Variants in HEPH observed in about 807,000 individuals in gnomAD.
HEPH encodes hephaestin.
HEPH carries 69 observed loss-of-function variants against 80.8 expected under a neutral mutation model. The ratio of observed to expected loss-of-function variants is 0.85; its 90% CI spans 0.70 to 1.04. The LOEUF is 1.04. Ranked by LOEUF, HEPH falls within the 50% of genes least tolerant of loss-of-function variation. The pLI is 0.00. For missense variants in HEPH, 1,115 were observed against 891.3 expected, an observed-to-expected ratio of 1.25 and a Z score of -3.20; for synonymous variants, 431 against 322.8, an observed-to-expected ratio of 1.34 and a Z score of -3.60.
chrX:66,236,795 G>T (rs928299034), intron 15 of HEPH, among the ~76,000 whole-genome samples: 3 of 111,216 alleles, frequency 2.7e-5, no homozygotes, highest in African/African-American at 9.8e-5. Flanking sequence ...TTCAACTTCA[G>T]GGCTTTTTAT....
At chrX:66,162,992 A>T, upstream of HEPH, 3 of 649,222 alleles carry the variant, frequency 4.6e-6, no homozygotes, top group Non-Finnish European at 4.5e-6. Context: ...CTGTCGCCAC[A>T]AATTGCTCCC....
intron 15 of HEPH, among the ~76,000 whole-genome samples, chrX:66,247,703 T>A (rs1483251963): frequency 1.8e-5 from 2 of 111,333 alleles, no homozygotes; most frequent in East Asian, 5.6e-4. Flanking sequence ...GTTGTGGGAA[T>A]GAAAATAGGG....
intron 7 of HEPH, among the ~76,000 whole-genome samples, chrX:66,192,845 A>C (rs1055569910): frequency 9.0e-6 from 1 of 111,363 alleles, no homozygotes; most frequent in African/African-American, 3.3e-5. Flanking sequence ...GGCAAGATAG[A>C]GTAGGAGGTT....
upstream of HEPH, among the ~76,000 whole-genome samples, chrX:66,163,244 G>A (rs773191133): frequency 7.2e-5 from 8 of 110,882 alleles, no homozygotes; most frequent in Non-Finnish European, 1.5e-4. Flanking sequence ...CGAGAACCTT[G>A]GTCACTTGAC....
chrX:66,251,788 T>C (rs914677550), intron 15 of HEPH, among the ~76,000 whole-genome samples: 3 of 111,773 alleles, frequency 2.7e-5, no homozygotes, highest in Admixed American at 9.5e-5. Context: ...AGTGTGGCTG[T>C]AGCATACTGA....
chrX:66,248,734 G>A (rs1412087666), intron 15 of HEPH, among the ~76,000 whole-genome samples: 1 of 112,017 alleles, frequency 8.9e-6, no homozygotes, highest in Non-Finnish European at 1.9e-5. Flanking sequence ...TAAGTGCTTA[G>A]TTAAGATGAA....
At chrX:66,187,835 C>A (rs1384446483) in intron 4 of HEPH, among the ~76,000 whole-genome samples, 1 of 111,955 alleles carries the variant, frequency 8.9e-6, no homozygotes, top group Non-Finnish European at 1.9e-5. Context: ...TCCTACGAAC[C>A]TTTTTTAAAA....
At chrX:66,237,180 T>C (rs1378993273) in intron 15 of HEPH, among the ~76,000 whole-genome samples, 1 of 110,408 alleles carries the variant, frequency 9.1e-6, no homozygotes, top group Non-Finnish European at 1.9e-5. Flanking sequence ...ATTGTTTTTT[T>C]CTTGTGCTTC....
chrX:66,208,957 C>G (rs2088964860), intron 15 of HEPH, among the ~76,000 whole-genome samples: 1 of 109,317 alleles, frequency 9.1e-6, no homozygotes, highest in South Asian at 4.0e-4. Flanking sequence ...CAGTCACATA[C>G]TAAGCTCCTA....
chrX:66,250,703 C>T (rs1347994551), intron 15 of HEPH, among the ~76,000 whole-genome samples: 4 of 111,733 alleles, frequency 3.6e-5, no homozygotes, highest in African/African-American at 6.5e-5. Context: ...TTTCACTCAG[C>T]GTAATTCTCT....
At chrX:66,239,648 T>A (rs2090494484) in intron 15 of HEPH, among the ~76,000 whole-genome samples, 1 of 111,830 alleles carries the variant, frequency 8.9e-6, no homozygotes, top group Admixed American at 9.5e-5. Flanking sequence ...CCAAGCAGGA[T>A]CTAGACCCTG....
Position 66,164,469 on chromosome X carries a change from A to G in HEPH, c.-15A>G, listed in dbSNP as rs1602170771. On this transcript the variant is annotated splice_region_variant and 5_prime_UTR_variant, in exon 1 of 21. Transcript: ENST00000343002. Reference sequence around the variant, plus strand: ...AATATGGAGTAGTTTTCTCTAGCAAAGGTAAGCTTTCTTTTCTCTCTTTTC... The same window carrying G: ...AATATGGAGTAGTTTTCTCTAGCAAGGGTAAGCTTTCTTTTCTCTCTTTTC... 1 of 753,676 alleles carries G rather than the reference A, an allele frequency of 1.3e-6. No individual in the cohort carries two copies. Among genetic ancestry groups the G allele is most frequent in the African/African-American group, 2.3e-5 (1 of 43,793 alleles). 62.1% of individuals were successfully genotyped at this position (753,676 alleles called of 1,213,427 possible). A position where few individuals can be genotyped will look rare whatever the true frequency, so the allele number is the denominator to read the frequency against.
Position 66,266,422 on chromosome X carries a change from T to C in HEPH, c.3245-18T>C. ...ACTCCCCATCCCAGGATGCCCATTT[T>C]TTTTTTCTCCATTTCAGCAGTGCCC... On this transcript the variant is annotated intron_variant, in intron 20 of 20. Coordinates refer to ENST00000343002, the MANE Select transcript of HEPH (RefSeq NM_001367233.3). The C allele has an allele frequency of 1.7e-6, 2 of 1,184,398 alleles. No individual in the cohort carries two copies. The highest frequency in any genetic ancestry group is 1.8e-5 in the South Asian group (1 of 55,665).
At chrX:66,172,214 G>A (rs1347671889) in intron 2 of HEPH, 141 bp from the exon 3 acceptor site, 3 of 454,786 alleles carry the variant, frequency 6.6e-6, no homozygotes, top group Admixed American at 1.1e-4. Context: ...AAACTTTCAT[G>A]TTTTGATCAG....
At chrX:66,217,613 A>G (rs1031391254) in intron 15 of HEPH, among the ~76,000 whole-genome samples, 10 of 111,642 alleles carry the variant, frequency 9.0e-5, no homozygotes, top group African/African-American at 3.3e-4. Flanking sequence ...GACCTATAAA[A>G]CAGCAACAAT....
At chrX:66,264,995 C>A (rs754793653) in intron 20 of HEPH, among the ~76,000 whole-genome samples, 2 of 109,237 alleles carry the variant, frequency 1.8e-5, no homozygotes, top group South Asian at 3.8e-4. Context: ...GGGAAAAAAG[C>A]CTTTGAAACT....
intron 4 of HEPH, among the ~76,000 whole-genome samples, chrX:66,180,983 A>T (rs1243950205): frequency 2.0e-5 from 2 of 99,228 alleles, no homozygotes; most frequent in African/African-American, 7.5e-5. Flanking sequence ...TTTACTGAGA[A>T]TGATGGTTTC....
chrX:66,202,384 G>A (rs2088507700), intron 12 of HEPH, among the ~76,000 whole-genome samples: 1 of 111,782 alleles, frequency 8.9e-6, no homozygotes, highest in Admixed American at 9.5e-5. Context: ...AGAGTTTGTA[G>A]TGATGGGATA....
Position 66,255,145 on chromosome X carries a change from A to C in HEPH, c.2670+4A>C. 1 of 1,165,436 alleles carries C rather than the reference A, an allele frequency of 8.6e-7. No homozygotes were observed. Among genetic ancestry groups the C allele is most frequent in the Non-Finnish European group, 1.2e-6 (1 of 857,424 alleles). On this transcript the variant is annotated splice_donor_region_variant and intron_variant, in intron 16 of 20. Transcript: ENST00000343002. ...TTCTGCAGTGGATCCCATCAAGGTA[A>C]ATACAAGATTGGCTACCTGGAGGTG... is the stretch of plus-strand genomic sequence containing the variant.
Sources: allele counts gnomAD v4.1 joint callset (sites outside exome capture counted in the v4.1 genomes callset), GRCh38; gene constraint gnomAD v4.1.1; transcripts MANE v1.5; gene names NCBI Gene and HGNC (gene_info 2026-07-23, HGNC 2026-07-21).